Variants in HERC1 observed in about 807,000 individuals in gnomAD.
HERC1 encodes probable E3 ubiquitin-protein ligase HERC1.
HERC1 carries 160 observed loss-of-function variants against 554.3 expected under a neutral mutation model. The observed-to-expected ratio is 0.29, with a 90% CI of 0.25 to 0.33. HERC1 has a LOEUF of 0.33. Among genes scored for constraint, HERC1 ranks in the 10% least tolerant of loss-of-function variants. The probability of loss-of-function intolerance (pLI) is 1.00; values close to 1 mark genes in which losing one functional copy is unlikely to be tolerated. For synonymous variants in HERC1, 2,175 were observed against 2,131.7 expected (o/e 1.02, Z -0.56); for missense variants, 4,919 against 5,918.5 (o/e 0.83, Z 5.54).
At chr15:63,667,652 T>G (rs942645771) in intron 40 of HERC1, among the ~76,000 whole-genome samples, 3 of 152,230 alleles carry the variant, frequency 2.0e-5, no homozygotes, top group Non-Finnish European at 4.4e-5. Context: ...ATCATCCTGT[T>G]GTAAAATTAT....
chr15:63,820,033 T>C (rs1035309045), intron 1 of HERC1, among the ~76,000 whole-genome samples: 1 of 152,234 alleles, frequency 6.6e-6, no homozygotes, highest in African/African-American at 2.4e-5. Flanking sequence ...GTAATGTATA[T>C]GTAAATTAGC....
chr15:63,632,609 G>T, intron 68 of HERC1, 100 bp downstream of exon 68: 1 of 783,892 alleles, frequency 1.3e-6, no homozygotes, highest in Non-Finnish European at 2.2e-6. Context: ...TCACCACCTA[G>T]AACAAAAAAA....
intron 51 of HERC1, among the ~76,000 whole-genome samples, chr15:63,653,195 C>T (rs950126312): frequency 6.6e-6 from 1 of 152,156 alleles, no homozygotes; most frequent in Admixed American, 6.5e-5. Flanking sequence ...AATCCCAGCA[C>T]TGTGGGAGGC....
intron 54 of HERC1, 48 bp from the exon 55 acceptor site, chr15:63,648,247 TTGTC>T: frequency 6.5e-7 from 1 of 1,531,904 alleles, no homozygotes; most frequent in Non-Finnish European, 8.9e-7. Context: ...TTATTTGTCA[TTGTC>T]TGACTTAAAA....
At chr15:63,738,954 A>G (rs1195736810) in intron 12 of HERC1, among the ~76,000 whole-genome samples, 1 of 149,110 alleles carries the variant, frequency 6.7e-6, no homozygotes, top group Non-Finnish European at 1.5e-5. Flanking sequence ...TTGAGGGGAT[A>G]TGTCCCTCTA....
At chr15:63,720,939 G>C (rs2073791934) in intron 19 of HERC1, among the ~76,000 whole-genome samples, 1 of 151,994 alleles carries the variant, frequency 6.6e-6, no homozygotes, top group African/African-American at 2.4e-5. Flanking sequence ...AAACAACAAA[G>C]AATGTTTCCA....
chr15:63,701,144 C>A (rs1199670349), intron 25 of HERC1, among the ~76,000 whole-genome samples: 1 of 151,814 alleles, frequency 6.6e-6, no homozygotes, highest in Non-Finnish European at 1.5e-5. Context: ...ATTAGAACTG[C>A]AGAAGAAAAA....
At position 63,809,789 on chromosome 15, in the gene HERC1, CAAA is replaced by C. The variant is rs34059646; in HGVS notation, c.-27+24035_-27+24037del. Among the ~76,000 whole-genome samples, 934 of 136,166 alleles carry C rather than the reference CAAA, an allele frequency of 6.9e-3. 9 individuals are homozygous for C. Among genetic ancestry groups the C allele is most frequent in the Non-Finnish European group, 9.0e-3 (565 of 62,840 alleles). 89.3% of individuals were successfully genotyped at this position (136,166 alleles called of 152,430 possible). ...TTCATTGCAGCCTTGTTTAGAATAG[CAAA>C]AAAAAAAAAAAAAGTAATAAAAGCA... On this transcript the variant is annotated intron_variant, in intron 1 of 77. Transcript: ENST00000443617.
At position 63,623,717 on chromosome 15, in the gene HERC1, G is replaced by T; in HGVS notation, c.13611+8C>A. On this transcript the variant is annotated splice_region_variant and intron_variant, in intron 73 of 77. Transcript: ENST00000443617. ...GATAACTCAGCAGGGGACACTGCAGGAATATACCTGGCACATCTCTGTGAT... is the reference window on the plus strand; with the variant it reads ...GATAACTCAGCAGGGGACACTGCAGTAATATACCTGGCACATCTCTGTGAT... 1 of 1,613,414 alleles carries T rather than the reference G, an allele frequency of 6.2e-7. No homozygotes were observed. Among genetic ancestry groups the T allele is most frequent in the South Asian group, 1.1e-5 (1 of 91,050 alleles).
intron 1 of HERC1, among the ~76,000 whole-genome samples, chr15:63,807,641 C>T (rs1222848874): frequency 6.6e-6 from 1 of 152,180 alleles, no homozygotes; most frequent in Admixed American, 6.5e-5. Flanking sequence ...GGCTTAAAAT[C>T]ACTTAGTCTG....
At chr15:63,713,256 C>T (rs2073393545) in intron 23 of HERC1, 97 bp downstream of exon 23, 1 of 1,025,944 alleles carries the variant, frequency 9.7e-7, no homozygotes, top group East Asian at 2.4e-5. Context: ...TCTATGTTAA[C>T]ATCAGAACAC....
At chr15:63,797,811 C>G (rs989985279) in intron 1 of HERC1, among the ~76,000 whole-genome samples, 6 of 152,172 alleles carry the variant, frequency 3.9e-5, no homozygotes, top group African/African-American at 1.4e-4. Context: ...AGAACTTCAA[C>G]TGAATTATCA....
chr15:63,711,962 A>C (rs1209561669), intron 24 of HERC1, among the ~76,000 whole-genome samples: 1 of 152,200 alleles, frequency 6.6e-6, no homozygotes, highest in Non-Finnish European at 1.5e-5. Context: ...CTCAAGTAGA[A>C]GCAATCTTCT....
intron 51 of HERC1, among the ~76,000 whole-genome samples, chr15:63,652,770 A>C (rs2069765750): frequency 6.6e-6 from 1 of 152,152 alleles, no homozygotes. Context: ...TTCATGCCTC[A>C]GCCTCCAAAC....
At chr15:63,805,656 C>G (rs2077115269) in intron 1 of HERC1, among the ~76,000 whole-genome samples, 2 of 152,132 alleles carry the variant, frequency 1.3e-5, no homozygotes, top group South Asian at 4.1e-4. Flanking sequence ...TGACCAAAAA[C>G]AAACAAAAGG....
At chr15:63,640,106 T>G (rs773487804) in intron 61 of HERC1, 46 bp downstream of exon 61, 25 of 1,574,966 alleles carry the variant, frequency 1.6e-5, no homozygotes, top group Non-Finnish European at 1.8e-5. Flanking sequence ...CCAATACCCA[T>G]GATAAAATCT....
chr15:63,620,945 C>G, intron 74 of HERC1, among the ~76,000 whole-genome samples: 1 of 152,158 alleles, frequency 6.6e-6, no homozygotes, highest in East Asian at 1.9e-4. Context: ...GACTCTTTAT[C>G]CAATTTGCCA....
intron 2 of HERC1, among the ~76,000 whole-genome samples, chr15:63,772,068 A>G (rs11852931): frequency 0.042 from 6,332 of 151,584 alleles, 249 homozygotes; most frequent in African/African-American, 0.1. Context: ...GTTGCAGTGA[A>G]CCAAGATCAC....
At chr15:63,729,926 G>A (rs1225643871) in intron 14 of HERC1, among the ~76,000 whole-genome samples, 1 of 150,550 alleles carries the variant, frequency 6.6e-6, no homozygotes, top group East Asian at 1.9e-4. Context: ...CGGGGAGGCT[G>A]AGGCAGGAGA....
Sources: gnomAD v4.1 joint callset for allele counts (sites outside exome capture counted in the v4.1 genomes callset) on GRCh38, gnomAD v4.1.1 for gene constraint, MANE v1.5 for transcripts, NCBI Gene and HGNC (gene_info 2026-07-23, HGNC 2026-07-21) for gene names.